The following DNAH3 variants were observed in gnomAD, a reference collection of about 807,000 sequenced individuals.
DNAH3 encodes the protein axonemal beta dynein heavy chain 3.
Under a neutral mutation model 432.5 loss-of-function variants are expected in DNAH3, and 332 were observed. That is an observed-to-expected ratio of 0.77 (90% CI 0.70 to 0.84). The LOEUF (loss-of-function observed/expected upper bound fraction) is 0.84. Among genes scored for constraint, DNAH3 ranks in the 40% least tolerant of loss-of-function variants. The pLI, the probability that DNAH3 is intolerant of heterozygous loss-of-function variation, is 0.00. For missense variants in DNAH3, 4,861 were observed against 5,114.0 expected, an observed-to-expected ratio of 0.95 and a Z score of 1.51; for synonymous variants, 1,956 against 1,900.2, an observed-to-expected ratio of 1.03 and a Z score of -0.76.
intron 17 of DNAH3, among the ~76,000 whole-genome samples, chr16:21,097,746 C>G (rs2091726498): frequency 6.6e-6 from 1 of 152,218 alleles, no homozygotes; most frequent in Non-Finnish European, 1.5e-5. Context: ...CCTATCATCT[C>G]TGTTTCCACT....
chr16:20,958,056 C>T (rs370719), intron 54 of DNAH3, among the ~76,000 whole-genome samples: 57,738 of 150,754 alleles, frequency 0.38, 11,097 homozygotes, highest in South Asian at 0.44. Flanking sequence ...ACAAATGATA[C>T]CTGGAAAACA....
intron 54 of DNAH3, among the ~76,000 whole-genome samples, chr16:20,958,537 T>C (rs1452779294): frequency 6.6e-6 from 1 of 152,168 alleles, no homozygotes; most frequent in African/African-American, 2.4e-5. Context: ...CTCTTTGCTT[T>C]TCCAATACCT....
chr16:21,087,093 A>G (rs776365028), intron 18 of DNAH3, 33 bp from the exon 19 acceptor site: 3 of 1,556,438 alleles, frequency 1.9e-6, no homozygotes, highest in Non-Finnish European at 1.8e-6. Flanking sequence ...AGGTCAGACC[A>G]TCATGTGGAT....
chr16:20,974,411 G>A (rs899985619), intron 51 of DNAH3, among the ~76,000 whole-genome samples: 7 of 151,738 alleles, frequency 4.6e-5, no homozygotes, highest in Middle Eastern at 3.4e-3. Context: ...TGAGGTGGGA[G>A]GATCACTTGA....
exon 7 of DNAH3, chr16:21,134,335 C>G: frequency 1.2e-6 from 2 of 1,614,130 alleles, no homozygotes; most frequent in Non-Finnish European, 1.7e-6. Context: ...CACTTCTTGG[C>G]GCTCCTGTAG....
chr16:21,005,322 CCCTT>C (rs1037611281), intron 41 of DNAH3, among the ~76,000 whole-genome samples: 15 of 142,190 alleles, frequency 1.1e-4, no homozygotes, highest in South Asian at 4.8e-4. Flanking sequence ...CTCCCTCCCT[CCCTT>C]CCTTCCTTCT....
chr16:21,132,838 T>C (rs1400817397), intron 7 of DNAH3, among the ~76,000 whole-genome samples: 4 of 152,164 alleles, frequency 2.6e-5, no homozygotes, highest in Non-Finnish European at 5.9e-5. Flanking sequence ...CTTGTGAATA[T>C]ATTAAAAACT....
At chr16:20,990,606 A>G (rs984687106) in intron 44 of DNAH3, among the ~76,000 whole-genome samples, 17 of 149,006 alleles carry the variant, frequency 1.1e-4, no homozygotes, top group Non-Finnish European at 2.1e-4. Context: ...GTTTGCCTGT[A>G]TATCTTTAAA....
At position 20,985,751 on chromosome 16, in the gene DNAH3, G is replaced by T. The variant is rs376072801; in HGVS notation, c.7027-36C>A. On this transcript the variant is annotated intron_variant, in intron 47 of 61. Coordinates refer to ENST00000261383, the Ensembl canonical transcript of DNAH3. ...AGTAAATCTCGGCGGGGCATTCAGT[G>T]AATGGCCCAGCCAGGCTGGTAGGGA... is the stretch of plus-strand genomic sequence containing the variant. 4.3e-4 allele frequency: 681 copies of T among 1,591,982 alleles called. 3 individuals are homozygous for T. The Middle Eastern group carries it at 5.5e-3, about 13-fold the overall frequency.
chr16:21,020,478 C>T (rs548646830), intron 40 of DNAH3, among the ~76,000 whole-genome samples: 4 of 135,848 alleles, frequency 2.9e-5, no homozygotes, highest in African/African-American at 8.4e-5. Context: ...TCTCGGCTCA[C>T]TGCAACCTCT....
At chr16:21,139,159 A>C (rs143119844) in intron 5 of DNAH3, among the ~76,000 whole-genome samples, 1 of 152,242 alleles carries the variant, frequency 6.6e-6, no homozygotes, top group African/African-American at 2.4e-5. Context: ...AATGTTAATA[A>C]GTGAAAGTTG....
At chr16:21,100,125 G>A (rs1023386153) in intron 16 of DNAH3, among the ~76,000 whole-genome samples, 2 of 152,086 alleles carry the variant, frequency 1.3e-5, no homozygotes, top group Non-Finnish European at 2.9e-5. Flanking sequence ...TTTCTGGAGT[G>A]CAGTGGCACA....
chr16:21,142,011 C>T (rs2092725256), intron 3 of DNAH3, among the ~76,000 whole-genome samples: 1 of 151,916 alleles, frequency 6.6e-6, no homozygotes. Context: ...CGAGATCGTG[C>T]CACTGCACTC....
At chr16:20,980,036 C>T (rs1423915195) in intron 49 of DNAH3, among the ~76,000 whole-genome samples, 3 of 151,808 alleles carry the variant, frequency 2.0e-5, no homozygotes, top group African/African-American at 7.3e-5. Context: ...AGGCATGAGC[C>T]ACCACGCCCA....
At chr16:21,092,159 C>T (rs2091554214) in intron 18 of DNAH3, among the ~76,000 whole-genome samples, 1 of 152,058 alleles carries the variant, frequency 6.6e-6, no homozygotes, top group Non-Finnish European at 1.5e-5. Context: ...ATAGCCAACA[C>T]AATATTGAAG....
chr16:21,151,257 A>G (rs1340356288), intron 1 of DNAH3, among the ~76,000 whole-genome samples: 1 of 151,730 alleles, frequency 6.6e-6, no homozygotes, highest in African/African-American at 2.4e-5. Flanking sequence ...GGTTAACGGG[A>G]TAACGTGTAC....
At chr16:21,086,756 A>G in intron 19 of DNAH3, 93 bp downstream of exon 19, 1 of 1,111,638 alleles carries the variant, frequency 9.0e-7, no homozygotes, top group South Asian at 1.3e-5. Flanking sequence ...GGAAAGGAGA[A>G]GCTTGACCTA....
At chr16:21,042,181 G>A (rs1353512685) in exon 32 of DNAH3, 4 of 1,609,368 alleles carry the variant, frequency 2.5e-6, no homozygotes, top group Non-Finnish European at 3.4e-6. Context: ...GATCTGCTGA[G>A]CGACCACAGA....
At chr16:21,053,063 G>A (rs330136) in intron 28 of DNAH3, among the ~76,000 whole-genome samples, 19,118 of 152,104 alleles carry the variant, frequency 0.13, 1,514 homozygotes, top group African/African-American at 0.21. Flanking sequence ...TACGTTTTTG[G>A]TAACTCAGGT....
Sources: gnomAD v4.1 joint callset for allele counts (sites outside exome capture counted in the v4.1 genomes callset) on GRCh38, gnomAD v4.1.1 for gene constraint, MANE v1.5 for transcripts, NCBI Gene and HGNC (gene_info 2026-07-23, HGNC 2026-07-21) for gene names.